Variants in NBEA observed in about 807,000 individuals in gnomAD.
NBEA encodes the protein neurobeachin.
Under a neutral mutation model 343.4 loss-of-function variants are expected in NBEA, and 44 were observed. The observed-to-expected ratio is 0.13, with a 90% CI of 0.10 to 0.16. NBEA has a LOEUF of 0.16. Ranked by LOEUF, NBEA falls within the 10% of genes least tolerant of loss-of-function variation. NBEA has a pLI of 1.00. For missense variants in NBEA, 2,555 were observed against 3,631.3 expected (o/e 0.70, Z 7.62); for synonymous variants, 1,175 against 1,238.7 (o/e 0.95, Z 1.08).
chr13:35,394,386 G>A (rs985747516), intron 38 of NBEA, among the ~76,000 whole-genome samples: 1 of 151,336 alleles, frequency 6.6e-6, no homozygotes, highest in African/African-American at 2.4e-5. Flanking sequence ...TGGTGTTAGA[G>A]TAGAGCTTCA....
At chr13:35,403,894 C>T (rs1481629252) in intron 38 of NBEA, among the ~76,000 whole-genome samples, 3 of 151,494 alleles carry the variant, frequency 2.0e-5, no homozygotes, top group Admixed American at 1.3e-4. Context: ...ACAAAGAACT[C>T]AAACAAATTT....
At chr13:35,555,997 G>A (rs528931932) in intron 44 of NBEA, among the ~76,000 whole-genome samples, 18 of 151,872 alleles carry the variant, frequency 1.2e-4, no homozygotes, top group South Asian at 2.1e-4. Context: ...TTAAATGCGG[G>A]TAATATAGAT....
chr13:34,977,979 A>AT (rs869287903), intron 1 of NBEA, among the ~76,000 whole-genome samples: 1 of 150,230 alleles, frequency 6.7e-6, no homozygotes, highest in Non-Finnish European at 1.5e-5. Context: ...GATTAAAAAA[A>AT]TTTTTTTTTT....
intron 8 of NBEA, among the ~76,000 whole-genome samples, chr13:35,062,759 A>C (rs1054463793): frequency 6.6e-6 from 1 of 151,942 alleles, no homozygotes; most frequent in Non-Finnish European, 1.5e-5. Context: ...ATATTCTTTA[A>C]GTCTTTTGAA....
At chr13:35,324,561 A>G (rs1158789173) in intron 36 of NBEA, among the ~76,000 whole-genome samples, 1 of 152,210 alleles carries the variant, frequency 6.6e-6, no homozygotes, top group Admixed American at 6.5e-5. Context: ...ATTACAATGT[A>G]TCTTAAAAAA....
In NBEA at chr13:35,053,745, TAAAAA is replaced by T. The variant is rs549398186; in HGVS notation, c.973-2264_973-2260del. On this transcript the variant is annotated intron_variant, in intron 6 of 58. Coordinates refer to ENST00000379939, the MANE Select transcript of NBEA (RefSeq NM_001385012.1). Reference sequence around the variant, plus strand: ...AAACCTCATCATGGGACATAGTAGATAAAAACAAAATAGCAGTTTAGTCAATGGTA... The same window carrying T: ...AAACCTCATCATGGGACATAGTAGATCAAAATAGCAGTTTAGTCAATGGTA... Among the ~76,000 whole-genome samples, 42 of 152,214 alleles carry T rather than the reference TAAAAA, an allele frequency of 2.8e-4. No homozygotes were observed. The South Asian group carries it at 5.2e-3, about 19-fold the overall frequency.
chr13:35,351,361 A>G (rs2040191146), intron 37 of NBEA, among the ~76,000 whole-genome samples: 1 of 152,028 alleles, frequency 6.6e-6, no homozygotes, highest in Non-Finnish European at 1.5e-5. Context: ...AAACTACAAT[A>G]ACAAGAATCA....
intron 38 of NBEA, among the ~76,000 whole-genome samples, chr13:35,386,648 T>A (rs2042254799): frequency 6.6e-6 from 1 of 152,202 alleles, no homozygotes; most frequent in Admixed American, 6.5e-5. Context: ...AAGTATTTTT[T>A]AAAATTCAAT....
At chr13:35,567,437 G>C (rs2080185573) in intron 45 of NBEA, among the ~76,000 whole-genome samples, 1 of 152,186 alleles carries the variant, frequency 6.6e-6, no homozygotes, top group Non-Finnish European at 1.5e-5. Context: ...ATTTTACCAA[G>C]TGTCTGTCTA....
intron 38 of NBEA, among the ~76,000 whole-genome samples, chr13:35,409,049 G>T (rs546072630): frequency 6.6e-6 from 1 of 152,278 alleles, no homozygotes; most frequent in African/African-American, 2.4e-5. Context: ...GCATGTGTAT[G>T]TTCATTGCAG....
intron 38 of NBEA, among the ~76,000 whole-genome samples, chr13:35,417,273 G>C (rs1379859024): frequency 6.6e-6 from 1 of 151,812 alleles, no homozygotes; most frequent in Admixed American, 6.6e-5. Context: ...TCTTCCTTCT[G>C]CTAGCTTTTG....
intron 18 of NBEA, among the ~76,000 whole-genome samples, chr13:35,142,585 C>G (rs921591799): frequency 6.6e-6 from 1 of 152,070 alleles, no homozygotes; most frequent in East Asian, 1.9e-4. Context: ...TTCTTTATGT[C>G]GATCCAAGAG....
chr13:35,475,216 A>G, intron 41 of NBEA: 1 of 1,613,952 alleles, frequency 6.2e-7, no homozygotes, highest in Non-Finnish European at 8.5e-7. Flanking sequence ...CAGGCAGGAG[A>G]TAAGTTGCAG....
At chr13:35,058,514 A>G (rs969463644) in intron 7 of NBEA, among the ~76,000 whole-genome samples, 2 of 152,122 alleles carry the variant, frequency 1.3e-5, no homozygotes, top group Non-Finnish European at 1.5e-5. Flanking sequence ...TTGCTTAAAC[A>G]TAAGTGTGAA....
At chr13:35,080,185 G>T (rs2064316526) in intron 10 of NBEA, among the ~76,000 whole-genome samples, 1 of 152,028 alleles carries the variant, frequency 6.6e-6, no homozygotes. Flanking sequence ...TTAAAAAATT[G>T]TTTATTTCCA....
chr13:35,343,976 C>T (rs368200062), intron 36 of NBEA, among the ~76,000 whole-genome samples: 2 of 152,004 alleles, frequency 1.3e-5, no homozygotes, highest in East Asian at 1.9e-4. Context: ...GAAAAATTGT[C>T]GTCCATGAAA....
intron 38 of NBEA, among the ~76,000 whole-genome samples, chr13:35,375,414 A>G (rs1324844243): frequency 6.6e-6 from 1 of 152,144 alleles, no homozygotes; most frequent in African/African-American, 2.4e-5. Context: ...GAAGGTAACA[A>G]TGTTTTTCTG....
chr13:35,027,919 G>T (rs1054616942), intron 1 of NBEA, among the ~76,000 whole-genome samples: 3 of 151,942 alleles, frequency 2.0e-5, no homozygotes, highest in Admixed American at 2.0e-4. Flanking sequence ...CTCTGACATT[G>T]TTTGCTAAAA....
intron 41 of NBEA, among the ~76,000 whole-genome samples, chr13:35,527,159 A>G (rs2078017336): frequency 6.6e-6 from 1 of 152,116 alleles, no homozygotes; most frequent in African/African-American, 2.4e-5. Context: ...GAGGAGACCC[A>G]TAAGAAGTGT....
Sources: gnomAD v4.1 joint callset for allele counts (sites outside exome capture counted in the v4.1 genomes callset) on GRCh38, gnomAD v4.1.1 for gene constraint, MANE v1.5 for transcripts, NCBI Gene and HGNC (gene_info 2026-07-23, HGNC 2026-07-21) for gene names.